Variants in CCP110 observed in about 807,000 individuals in gnomAD.
The protein encoded by CCP110 is centriolar coiled-coil protein of 110 kDa.
CCP110 carries 43 observed loss-of-function variants against 105.5 expected under a neutral mutation model. That is an observed-to-expected ratio of 0.41 (90% CI 0.32 to 0.53). CCP110 has a LOEUF of 0.53. Among genes scored for constraint, CCP110 ranks in the 20% least tolerant of loss-of-function variants. CCP110 has a pLI of 0.32. For missense variants in CCP110, 1,016 were observed against 1,189.1 expected (o/e 0.85, Z 2.14); for synonymous variants, 353 against 392.1 (o/e 0.90, Z 1.18).
chr16:19,544,685 A>G (rs1218186829), intron 8 of CCP110, 112 bp from the exon 9 acceptor site: 1 of 660,328 alleles, frequency 1.5e-6, no homozygotes, highest in South Asian at 1.9e-5. Flanking sequence ...TCCCCCACAG[A>G]TACTGACGAA....
Position 19,545,077 on chromosome 16 carries a change from T to C in CCP110, c.2587-17T>C, listed in dbSNP as rs750752064. 1 of 1,450,870 alleles carries C rather than the reference T, an allele frequency of 6.9e-7. No individual in the cohort carries two copies. The highest frequency in any genetic ancestry group is 2.3e-5 in the East Asian group (1 of 43,910). The allele number at this position is 1,450,870 out of a possible 1,614,324, so 89.9% of individuals were successfully genotyped here. On this transcript the variant is annotated splice_polypyrimidine_tract_variant and intron_variant, in intron 9 of 14. Transcript: ENST00000381396. ...CATCTTTTAAATGTATACAATATTTTCTTCTCTTGTGCCTAGTTGCGAGCT... is the reference window on the plus strand; with the variant it reads ...CATCTTTTAAATGTATACAATATTTCCTTCTCTTGTGCCTAGTTGCGAGCT...
chr16:19,536,624 A>G, exon 4 of CCP110: 1 of 1,614,184 alleles, frequency 6.2e-7, no homozygotes, highest in Non-Finnish European at 8.5e-7. Context: ...AGTTTTAGCT[A>G]GCTTTTCGAA....
intron 12 of CCP110, chr16:19,547,536 C>A (rs539956447): frequency 2.4e-4 from 39 of 161,000 alleles, no homozygotes; most frequent in Non-Finnish European, 4.9e-4. Flanking sequence ...CATAGTAAGA[C>A]CCATCTCAAA....
intron 5 of CCP110, among the ~76,000 whole-genome samples, chr16:19,541,079 G>A (rs1187290925): frequency 6.6e-6 from 1 of 151,942 alleles, no homozygotes. Context: ...CATTCTGCAG[G>A]AGTTGTATCA....
chr16:19,549,925 G>C (rs975659123), intron 14 of CCP110, among the ~76,000 whole-genome samples: 1 of 152,138 alleles, frequency 6.6e-6, no homozygotes, highest in African/African-American at 2.4e-5. Context: ...ATACTCAACA[G>C]TATAAAGGAT....
intron 11 of CCP110, 33 bp downstream of exon 11, chr16:19,545,923 C>A: frequency 8.1e-7 from 1 of 1,227,990 alleles, no homozygotes; most frequent in Non-Finnish European, 1.2e-6. Context: ...TGTTAGTTAT[C>A]AAACCAATTA....
In CCP110 at chr16:19,542,079, A is replaced by G. The variant is rs1322349287; in HGVS notation, c.2227+15A>G. On this transcript the variant is annotated intron_variant, in intron 6 of 14. Coordinates refer to ENST00000381396, the Ensembl canonical transcript of CCP110. ...AAATAGTTCTGGTAAATATTTAAAA[A>G]TCCTTTTACATTTGGGAAAGTGATC... 2 of 1,513,352 alleles carry G rather than the reference A, an allele frequency of 1.3e-6. No homozygotes were observed. The highest frequency in any genetic ancestry group is 1.8e-6 in the Non-Finnish European group (2 of 1,122,416). 93.7% of individuals were successfully genotyped at this position (1,513,352 alleles called of 1,614,324 possible).
At chr16:19,542,927 C>A in exon 8 of CCP110, 1 of 1,613,350 alleles carries the variant, frequency 6.2e-7, no homozygotes, top group South Asian at 1.1e-5. Context: ...ACTGCAGTGG[C>A]AAAAGGATTT....
rs1970446319 is a variant in CCP110 at position 19,546,018 on chromosome 16, C to A, written c.2777+128C>A. ...TCTGCAGTTGAGCTGATAGAAATCCCCTTTATATAAAGAAATTTATTAAAA... is the reference window on the plus strand; with the variant it reads ...TCTGCAGTTGAGCTGATAGAAATCCACTTTATATAAAGAAATTTATTAAAA... On this transcript the variant is annotated intron_variant, in intron 11 of 14. Coordinates refer to ENST00000381396, the Ensembl canonical transcript of CCP110. The A allele has an allele frequency of 5.2e-6, 3 of 580,526 alleles. No individual in the cohort carries two copies. In the South Asian group the frequency reaches 7.1e-5, roughly 14 times the overall value. 36.0% of individuals were successfully genotyped at this position (580,526 alleles called of 1,614,324 possible).
chr16:19,550,149 T>A (rs1597283461), intron 14 of CCP110, among the ~76,000 whole-genome samples: 1 of 150,194 alleles, frequency 6.7e-6, no homozygotes, highest in Non-Finnish European at 1.5e-5. Flanking sequence ...AACTAAATAA[T>A]TGTGTTCTTT....
At chr16:19,551,156 C>A in intron 14 of CCP110, 40 bp from the exon 14 acceptor site, 1 of 1,209,182 alleles carries the variant, frequency 8.3e-7, no homozygotes, top group Non-Finnish European at 1.2e-6. Context: ...TATAGAAAAC[C>A]TCCCATTGAG....
chr16:19,536,626 C>A (rs1296781035), exon 4 of CCP110: 1 of 1,614,172 alleles, frequency 6.2e-7, no homozygotes, highest in Admixed American at 1.7e-5. Context: ...TTTTAGCTAG[C>A]TTTTCGAAAG....
intron 3 of CCP110, among the ~76,000 whole-genome samples, chr16:19,535,012 C>T (rs1310891662): frequency 6.6e-6 from 1 of 151,644 alleles, no homozygotes; most frequent in Non-Finnish European, 1.5e-5. Context: ...TCCTGAGTAG[C>T]TGGGACTACA....
At chr16:19,546,569 A>G (rs1044828454) in intron 12 of CCP110, 95 bp downstream of exon 12, 31 of 692,506 alleles carry the variant, frequency 4.5e-5, no homozygotes, top group Non-Finnish European at 7.0e-5. Flanking sequence ...GTAATCCCAG[A>G]ACTTTGGGAG....
intron 14 of CCP110, among the ~76,000 whole-genome samples, chr16:19,549,024 G>A (rs994628328): frequency 6.6e-6 from 1 of 152,148 alleles, no homozygotes; most frequent in African/African-American, 2.4e-5. Flanking sequence ...ATGTGAATAT[G>A]CCAGTGGGAG....
exon 4 of CCP110, chr16:19,536,073 C>T (rs763610593): frequency 6.2e-7 from 1 of 1,614,054 alleles, no homozygotes; most frequent in South Asian, 1.1e-5. Flanking sequence ...GAACACTCTA[C>T]TGCAGCAAAG....
exon 4 of CCP110, chr16:19,536,666 A>G (rs1188610278): frequency 6.2e-7 from 1 of 1,614,148 alleles, no homozygotes; most frequent in South Asian, 1.1e-5. Flanking sequence ...TGGCCATCCC[A>G]CTGTTCTAGA....
intron 1 of CCP110, chr16:19,525,988 A>G (rs1420504896): frequency 6.6e-6 from 1 of 152,662 alleles, no homozygotes; most frequent in African/African-American, 2.4e-5. Context: ...CTGAAGAATA[A>G]GAAGGATCCA....
chr16:19,551,102 G>A, intron 14 of CCP110, 94 bp from the exon 14 acceptor site: 2 of 779,312 alleles, frequency 2.6e-6, no homozygotes, highest in Non-Finnish European at 4.7e-6. Context: ...ATATTGCCTA[G>A]CTCAGTGTTT....
Sources: gnomAD v4.1 joint callset for allele counts (sites outside exome capture counted in the v4.1 genomes callset) on GRCh38, gnomAD v4.1.1 for gene constraint, MANE v1.5 for transcripts, NCBI Gene and HGNC (gene_info 2026-07-23, HGNC 2026-07-21) for gene names.